Variants in NAV3 observed in about 807,000 individuals in gnomAD.
NAV3 encodes pore membrane and/or filament interacting like protein 1.
A neutral mutation model predicts 244.7 loss-of-function variants in NAV3; 87 were observed. The ratio of observed to expected loss-of-function variants is 0.36; its 90% confidence interval spans 0.30 to 0.42. NAV3 has a LOEUF of 0.42. NAV3 is among the 20% of genes least tolerant of loss of function. The probability of loss-of-function intolerance (pLI) is 1.00; values close to 1 mark genes in which losing one functional copy is unlikely to be tolerated. For synonymous variants in NAV3, 1,126 were observed against 1,042.2 expected, an observed-to-expected ratio of 1.08 and a Z score of -1.55; for missense variants, 2,663 against 2,893.3, an observed-to-expected ratio of 0.92 and a Z score of 1.83.
At chr12:77,580,720 A>G (rs1481021095) in intron 2 of NAV3, among the ~76,000 whole-genome samples, 1 of 152,188 alleles carries the variant, frequency 6.6e-6, no homozygotes, top group Non-Finnish European at 1.5e-5. Flanking sequence ...CATGGGAAAA[A>G]TTCTCAATAC....
intron 12 of NAV3, among the ~76,000 whole-genome samples, chr12:78,066,569 A>C (rs535040629): frequency 8.5e-5 from 13 of 152,258 alleles, no homozygotes; most frequent in African/African-American, 2.4e-4. Flanking sequence ...GATACCTTTC[A>C]AGCTATATTT....
chr12:78,123,334 G>GT (rs1428281224), intron 16 of NAV3, among the ~76,000 whole-genome samples: 44 of 133,910 alleles, frequency 3.3e-4, no homozygotes, highest in South Asian at 2.8e-3. Flanking sequence ...GTCTTCCCCT[G>GT]TTTTTTTTAT....
chr12:78,054,613 T>C (rs1480175698), intron 11 of NAV3, among the ~76,000 whole-genome samples: 2 of 152,084 alleles, frequency 1.3e-5, no homozygotes, highest in Non-Finnish European at 2.9e-5. Context: ...AGATTAGAAA[T>C]ATGGTAGTGG....
At chr12:77,963,637 A>T (rs1017989624) in intron 3 of NAV3, among the ~76,000 whole-genome samples, 2 of 152,164 alleles carry the variant, frequency 1.3e-5, no homozygotes, top group Non-Finnish European at 2.9e-5. Flanking sequence ...TGGAAACTGT[A>T]TTCAAGTACT....
At chr12:78,016,113 C>A (rs746696932) in intron 8 of NAV3, among the ~76,000 whole-genome samples, 1 of 151,928 alleles carries the variant, frequency 6.6e-6, no homozygotes, top group Admixed American at 6.6e-5. Flanking sequence ...CTTGCACATT[C>A]CCTAACTTGG....
chr12:77,906,055 A>G (rs1295985750), intron 1 of NAV3, among the ~76,000 whole-genome samples: 1 of 152,128 alleles, frequency 6.6e-6, no homozygotes, highest in East Asian at 1.9e-4. Flanking sequence ...TCTCCCTGAA[A>G]ATTGTGGAGC....
chr12:78,008,337 C>T (rs1874612411), intron 8 of NAV3, among the ~76,000 whole-genome samples: 2 of 151,964 alleles, frequency 1.3e-5, no homozygotes, highest in South Asian at 4.2e-4. Context: ...TTAAAATATG[C>T]ATCCTACCAT....
intron 29 of NAV3, 87 bp from the exon 30 acceptor site, chr12:78,180,784 A>G (rs1172133833): frequency 9.8e-7 from 1 of 1,016,530 alleles, no homozygotes; most frequent in African/African-American, 1.6e-5. Context: ...TTTAACAAAC[A>G]AGCTAATTAA....
intron 2 of NAV3, among the ~76,000 whole-genome samples, chr12:77,614,795 C>T (rs1418774266): frequency 1.3e-5 from 2 of 152,122 alleles, no homozygotes; most frequent in African/African-American, 2.4e-5. Context: ...AAGTACTTAG[C>T]CCAGCGATTG....
At chr12:78,109,167 T>C (rs1385640653) in intron 12 of NAV3, among the ~76,000 whole-genome samples, 2 of 152,052 alleles carry the variant, frequency 1.3e-5, no homozygotes, top group African/African-American at 4.8e-5. Flanking sequence ...GAGACTATTA[T>C]TAACAACTAT....
chr12:77,994,907 G>T, intron 6 of NAV3, 36 bp downstream of exon 6: 1 of 1,381,580 alleles, frequency 7.2e-7, no homozygotes, highest in South Asian at 1.2e-5. Context: ...GCTTATTAGT[G>T]ATATGCAAAT....
At chr12:77,862,308 C>G (rs533256670) in intron 1 of NAV3, among the ~76,000 whole-genome samples, 1 of 151,676 alleles carries the variant, frequency 6.6e-6, no homozygotes, top group Non-Finnish European at 1.5e-5. Flanking sequence ...TTTGGTGTGA[C>G]GTTTTAATTA....
chr12:78,133,027 A>G (rs1956228601), intron 18 of NAV3, among the ~76,000 whole-genome samples: 1 of 152,104 alleles, frequency 6.6e-6, no homozygotes, highest in Non-Finnish European at 1.5e-5. Context: ...ATTTTCAGGG[A>G]CATTGTCCTT....
chr12:77,976,678 T>C (rs1394725740), intron 5 of NAV3, among the ~76,000 whole-genome samples: 2 of 130,604 alleles, frequency 1.5e-5, no homozygotes, highest in African/African-American at 5.9e-5. Flanking sequence ...TTTTTTCTTT[T>C]TTTTTTTTTT....
intron 2 of NAV3, among the ~76,000 whole-genome samples, chr12:77,678,527 A>G (rs1044941531): frequency 6.6e-6 from 1 of 152,154 alleles, no homozygotes; most frequent in African/African-American, 2.4e-5. Context: ...GGGGACTTGA[A>G]GGGATCACAG....
intron 17 of NAV3, among the ~76,000 whole-genome samples, 156 bp from the exon 18 acceptor site, chr12:78,128,550 G>A (rs544688478): frequency 1.7e-4 from 26 of 152,220 alleles, no homozygotes; most frequent in Middle Eastern, 6.8e-3. Context: ...AACAGATGGC[G>A]TAAGATCATC....
chr12:77,659,918 A>G (rs1873348782), intron 2 of NAV3, among the ~76,000 whole-genome samples: 1 of 138,778 alleles, frequency 7.2e-6, no homozygotes, highest in African/African-American at 2.7e-5. Flanking sequence ...ATGAGAACAC[A>G]TGGACACAGG....
intron 2 of NAV3, among the ~76,000 whole-genome samples, chr12:77,636,252 G>T (rs1026415519): frequency 1.3e-5 from 2 of 152,024 alleles, no homozygotes; most frequent in African/African-American, 2.4e-5. Context: ...GGATCATGAG[G>T]TCAGGAGATC....
intron 2 of NAV3, among the ~76,000 whole-genome samples, chr12:77,660,715 C>T (rs1165182849): frequency 6.6e-6 from 1 of 151,900 alleles, no homozygotes; most frequent in African/African-American, 2.4e-5. Context: ...AGAATGTATC[C>T]ACCTTCACCA....
Sources: allele counts gnomAD v4.1 joint callset (sites outside exome capture counted in the v4.1 genomes callset), GRCh38; gene constraint gnomAD v4.1.1; transcripts MANE v1.5; gene names NCBI Gene and HGNC (gene_info 2026-07-23, HGNC 2026-07-21).